FMNL2: variants seen among roughly 807,000 people sequenced by gnomAD.
FMNL2 encodes the protein formin-like protein 2.
FMNL2 carries 51 observed loss-of-function variants against 130.2 expected under a neutral mutation model. That is an observed-to-expected ratio of 0.39 (90% confidence interval 0.31 to 0.49). The LOEUF (loss-of-function observed/expected upper bound fraction) is 0.49, where lower values mean the gene tolerates loss of function less well. Among genes scored for constraint, FMNL2 ranks in the 20% least tolerant of loss-of-function variants. FMNL2 has a pLI of 0.85. For missense variants in FMNL2, 977 were observed against 1,316.2 expected, an observed-to-expected ratio of 0.74 and a Z score of 3.99; for synonymous variants, 465 against 467.1, an observed-to-expected ratio of 1.00 and a Z score of 0.06.
At chr2:152,526,831 T>TA (rs1287665736) in intron 2 of FMNL2, among the ~76,000 whole-genome samples, 2 of 151,750 alleles carry the variant, frequency 1.3e-5, no homozygotes, top group Admixed American at 1.3e-4. Flanking sequence ...ATCTTTTTTT[T>TA]AAAAAAATCG....
At chr2:152,580,443 A>C (rs1326070641) in intron 8 of FMNL2, among the ~76,000 whole-genome samples, 1 of 152,254 alleles carries the variant, frequency 6.6e-6, no homozygotes, top group East Asian at 1.9e-4. Context: ...AAGAAAGGAC[A>C]GAAACTTGTA....
intron 1 of FMNL2, among the ~76,000 whole-genome samples, chr2:152,464,773 T>TA (rs1399056342): frequency 1.3e-5 from 2 of 152,208 alleles, no homozygotes; most frequent in Non-Finnish European, 2.9e-5. Context: ...GGAATGCTTG[T>TA]CCTATTTCTC....
intron 13 of FMNL2, among the ~76,000 whole-genome samples, chr2:152,618,195 T>C (rs1476357153): frequency 6.6e-6 from 1 of 152,222 alleles, no homozygotes; most frequent in East Asian, 1.9e-4. Flanking sequence ...GTAACTTCTT[T>C]GTTTTCTGCT....
intron 1 of FMNL2, among the ~76,000 whole-genome samples, chr2:152,383,579 A>G (rs1028027230): frequency 2.0e-5 from 3 of 152,002 alleles, no homozygotes; most frequent in Non-Finnish European, 4.4e-5. Flanking sequence ...AAATCAAAAA[A>G]CCAAAAAATA....
chr2:152,638,389 A>G (rs1275772108), intron 23 of FMNL2, among the ~76,000 whole-genome samples: 14 of 152,232 alleles, frequency 9.2e-5, no homozygotes, highest in Admixed American at 7.9e-4. Flanking sequence ...TGTAGCACTG[A>G]TAACACTGGT....
chr2:152,390,562 A>C (rs551401601), intron 1 of FMNL2: 1 of 1,448,520 alleles, frequency 6.9e-7, no homozygotes, highest in East Asian at 2.3e-5. Flanking sequence ...GACGAACAGA[A>C]GAAACAGGAG....
At position 152,647,787 on chromosome 2, in the gene FMNL2, C is replaced by T. The variant is rs1174280165; in HGVS notation, c.3170-9C>T. 13 of 1,613,560 alleles carry T rather than the reference C, an allele frequency of 8.1e-6. No homozygotes were observed. Among genetic ancestry groups the T allele is most frequent in the Non-Finnish European group, 1.0e-5 (12 of 1,179,528 alleles). On this transcript the variant is annotated splice_polypyrimidine_tract_variant and intron_variant, in intron 25 of 25. Coordinates refer to ENST00000288670, the MANE Select transcript of FMNL2 (RefSeq NM_052905.4). Reference sequence around the variant, plus strand: ...TGCTATTCTCTCACTGGCACTCTCCCCTTTACAGATCTTAGAAACCAACCA... The same window carrying T: ...TGCTATTCTCTCACTGGCACTCTCCTCTTTACAGATCTTAGAAACCAACCA...
chr2:152,625,463 G>C lies in FMNL2; in HGVS notation c.1863G>C (p.Lys621Asn). The C allele has an allele frequency of 6.2e-7, 1 of 1,610,900 alleles. No individual in the cohort carries two copies. ...CTGTGAAAATTAAGAAGCCAATCAA[G>C]ACGAAGTTCAGAATGCCAGTGTTTA... ...LAAVKIKKPI[K>N]TKFRMPVFNW... is the part of the protein sequence containing the mutation. The change falls in exon 16 of 26, where the codon AAG becomes AAC. Residue 621 changes from lysine (K) to asparagine (N), a missense_variant. This residue lies in a region of FMNL2 where 689 missense variants were observed against 995.9 expected (regional missense o/e 0.69). Coordinates refer to ENST00000288670, the MANE Select transcript of FMNL2 (RefSeq NM_052905.4).
rs558077867 is a variant in FMNL2, at chr2:152,643,007, T to C, written c.3169+2093T>C. Among the ~76,000 whole-genome samples the C allele has an allele frequency of 6.3e-4, 44 of 70,166 alleles. 1 individual carries two copies. The South Asian group carries it at 0.018, about 28-fold the overall frequency. 46.0% of individuals were successfully genotyped at this position (70,166 alleles called of 152,430 possible). A position where few individuals can be genotyped will look rare whatever the true frequency, so the allele number is the denominator to read the frequency against. On this transcript the variant is annotated intron_variant, in intron 25 of 25. Coordinates refer to ENST00000288670, the MANE Select transcript of FMNL2 (RefSeq NM_052905.4). ...CTGGGCAATAGAGGGAGACTCTGTC[T>C]CAAAAAAAAACAAAACAAAACAAAC... is the stretch of plus-strand genomic sequence containing the variant.
At chr2:152,396,707 CCCT>C (rs1406061399) in intron 1 of FMNL2, among the ~76,000 whole-genome samples, 1 of 152,134 alleles carries the variant, frequency 6.6e-6, no homozygotes, top group Non-Finnish European at 1.5e-5. Context: ...CTCCCCTCTC[CCCT>C]CCTCAAGGGA....
chr2:152,342,591 T>C (rs1207297191), intron 1 of FMNL2, among the ~76,000 whole-genome samples: 2 of 152,244 alleles, frequency 1.3e-5, no homozygotes, highest in African/African-American at 4.8e-5. Flanking sequence ...AGCTCATTGC[T>C]TGTCTTCCCT....
intron 1 of FMNL2, among the ~76,000 whole-genome samples, chr2:152,477,579 C>T (rs1690222898): frequency 6.6e-6 from 1 of 152,132 alleles, no homozygotes; most frequent in Non-Finnish European, 1.5e-5. Context: ...AGACAGGAGC[C>T]TCAAGCAGGC....
chr2:152,639,973 A>G lies in FMNL2; in HGVS notation c.2962A>G (p.Asn988Asp), dbSNP rs1297631512. Residue 988 changes from asparagine to aspartate, a missense_variant, in exon 24 of 26, where the codon AAT becomes GAT. Physicochemically the swap from Asn to Asp is conservative, Grantham distance 23 (BLOSUM62 1). Coordinates refer to ENST00000288670, the MANE Select transcript of FMNL2 (RefSeq NM_052905.4). ...VKAYKQAEEE[N>D]ELRKKQEQAL... ...ATTTACCCAGCAAGCAGAAGAGGAA[A>G]ATGAGCTGAGGAAAAAGCAGGAACA... 2 of 1,558,032 alleles carry G rather than the reference A, an allele frequency of 1.3e-6. No homozygotes were observed. The highest frequency in any genetic ancestry group is 2.0e-5 in the Admixed American group (1 of 51,238).
intron 1 of FMNL2, among the ~76,000 whole-genome samples, chr2:152,378,312 A>T (rs894769641): frequency 6.6e-6 from 1 of 152,178 alleles, no homozygotes; most frequent in East Asian, 1.9e-4. Flanking sequence ...AATGTTTAAC[A>T]CTTTAATATC....
chr2:152,632,723 G>C (rs533723691), intron 21 of FMNL2, among the ~76,000 whole-genome samples: 1 of 152,196 alleles, frequency 6.6e-6, no homozygotes, highest in South Asian at 2.1e-4. Context: ...CACATGAGTA[G>C]AAAGTGATAG....
At chr2:152,643,223 C>T (rs1683249558) in intron 25 of FMNL2, among the ~76,000 whole-genome samples, 2 of 152,112 alleles carry the variant, frequency 1.3e-5, no homozygotes, top group African/African-American at 2.4e-5. Context: ...TTCTGATCCA[C>T]CCCAAAGCCC....
intron 11 of FMNL2, 114 bp from the exon 12 acceptor site, chr2:152,614,737 C>A: frequency 2.6e-6 from 3 of 1,161,418 alleles, no homozygotes; most frequent in East Asian, 2.6e-5. Flanking sequence ...AGTGAAACTC[C>A]ATCTCAAAAC....
At chr2:152,601,537 G>T (rs1266190248) in intron 9 of FMNL2, among the ~76,000 whole-genome samples, 1 of 151,756 alleles carries the variant, frequency 6.6e-6, no homozygotes, top group Non-Finnish European at 1.5e-5. Context: ...CTGACCTCAG[G>T]CAATCCGCCC....
In FMNL2 at chr2:152,336,009, C is replaced by CG. The variant is rs1284027264; in HGVS notation, c.117+292dup. Among the ~76,000 whole-genome samples, 11 of 151,758 alleles carry CG rather than the reference C, an allele frequency of 7.2e-5. No individual in the cohort carries two copies. In the East Asian group the frequency reaches 2.1e-3, roughly 30 times the overall value. On this transcript the variant is annotated intron_variant, in intron 1 of 25. Transcript: ENST00000288670. ...AGAGGCACCTCACGGCGCGTGTGCC[C>CG]GGGAGGTGCGGCGTGGGCGTGAAGA...
Sources: gnomAD v4.1 joint callset for allele counts (sites outside exome capture counted in the v4.1 genomes callset) on GRCh38, gnomAD v4.1.1 for gene constraint, gnomAD v4.1.1 regional missense constraint, MANE v1.5 for transcripts, NCBI Gene and HGNC (gene_info 2026-07-23, HGNC 2026-07-21) for gene names.